The following CORO2B variants were observed in gnomAD, a reference collection of about 807,000 sequenced individuals.
CORO2B encodes coronin 2B.
In CORO2B, 26 loss-of-function variants were observed where a neutral mutation model predicts 58.8. The observed-to-expected ratio is 0.44, with a 90% CI of 0.32 to 0.61. CORO2B has a LOEUF of 0.61. Among genes scored for constraint, CORO2B ranks in the 20% least tolerant of loss-of-function variants. CORO2B has a pLI of 0.04. For missense variants in CORO2B, 460 were observed against 645.1 expected, an observed-to-expected ratio of 0.71 and a Z score of 3.11; for synonymous variants, 242 against 253.8, an observed-to-expected ratio of 0.95 and a Z score of 0.44.
At chr15:68,564,829 C>A in the CORO2B span, among the ~76,000 whole-genome samples, 1 of 152,112 alleles carries the variant, frequency 6.6e-6, no homozygotes, top group Non-Finnish European at 1.5e-5. Flanking sequence ...GAAGGTGCTT[C>A]CCAAATAGAA....
At chr15:68,568,584 A>G in the CORO2B span, among the ~76,000 whole-genome samples, 1 of 152,232 alleles carries the variant, frequency 6.6e-6, no homozygotes, top group Non-Finnish European at 1.5e-5. Flanking sequence ...ATTTAAAAAC[A>G]TAATAGTACC....
At chr15:68,708,607 C>T (rs1278516960) in intron 3 of CORO2B, among the ~76,000 whole-genome samples, 3 of 151,922 alleles carry the variant, frequency 2.0e-5, no homozygotes, top group Admixed American at 6.6e-5. Flanking sequence ...CGTGATCCGC[C>T]CACCTCGGCC....
At chr15:68,661,533 G>A (rs72748537) in intron 2 of CORO2B, among the ~76,000 whole-genome samples, 19,061 of 152,200 alleles carry the variant, frequency 0.13, 1,548 homozygotes, top group East Asian at 0.24. Context: ...TTCAAGACTT[G>A]GGAGTTAGCA....
chr15:68,555,814 G>A, the CORO2B span, among the ~76,000 whole-genome samples: 1 of 152,166 alleles, frequency 6.6e-6, no homozygotes, highest in Non-Finnish European at 1.5e-5. Flanking sequence ...CAGAGCCAGG[G>A]AGGAGGGGGA....
chr15:68,693,100 A>C (rs1393853397), intron 2 of CORO2B, among the ~76,000 whole-genome samples: 1 of 152,158 alleles, frequency 6.6e-6, no homozygotes. Flanking sequence ...CATCAGTGAA[A>C]TTCTCCTGGG....
chr15:68,564,745 G>A, the CORO2B span, among the ~76,000 whole-genome samples: 1 of 152,206 alleles, frequency 6.6e-6, no homozygotes, highest in Non-Finnish European at 1.5e-5. Context: ...TCCTTCTAAA[G>A]TAAACGGTCA....
intron 1 of CORO2B, among the ~76,000 whole-genome samples, chr15:68,609,876 A>G (rs950871475): frequency 5.9e-5 from 9 of 152,120 alleles, no homozygotes; most frequent in Non-Finnish European, 1.0e-4. Context: ...GGGAGCACGA[A>G]GCGGTCTGGT....
At chr15:68,708,624 A>G (rs186094334) in intron 3 of CORO2B, among the ~76,000 whole-genome samples, 49 of 150,428 alleles carry the variant, frequency 3.3e-4, no homozygotes, top group African/African-American at 1.1e-3. Context: ...GGCCTCCCAA[A>G]GTGCTGGGAT....
At chr15:68,529,910 G>T in the CORO2B span, among the ~76,000 whole-genome samples, 7 of 152,080 alleles carry the variant, frequency 4.6e-5, no homozygotes, top group African/African-American at 1.2e-4. Context: ...TGAACTAAAG[G>T]TTACTTAGAA....
In CORO2B at chr15:68,671,761, G is replaced by A. The variant is rs150278453; in HGVS notation, c.217-23379G>A. On this transcript the variant is annotated intron_variant, in intron 2 of 11. Transcript: ENST00000261861. The stretch of plus-strand genomic sequence containing the variant: ...ACTCATGGCAGCTGGCCTCCTCTGA[G>A]TGGTGATCCAGGTGAGAGCAAGAGA... Among the ~76,000 whole-genome samples, 21 of 152,306 alleles carry A rather than the reference G, an allele frequency of 1.4e-4. 1 individual carries two copies. The highest frequency in any genetic ancestry group is 9.2e-4 in the Admixed American group (14 of 15,300).
intron 2 of CORO2B, among the ~76,000 whole-genome samples, chr15:68,668,687 C>T (rs906997425): frequency 3.3e-5 from 5 of 152,198 alleles, no homozygotes; most frequent in African/African-American, 1.2e-4. Context: ...TTTGGATTTT[C>T]TTCTAGGTGA....
In CORO2B at chr15:68,725,897, C is replaced by T. The variant is rs771983841; in HGVS notation, c.1366C>T (p.Leu456=). The T allele has an allele frequency of 6.2e-7, 1 of 1,614,086 alleles. No homozygotes were observed. Among genetic ancestry groups the T allele is most frequent in the Admixed American group, 1.7e-5 (1 of 60,010 alleles). The change falls in exon 12 of 12, where the codon CTG becomes TTG. Residue 456 remains leucine, a synonymous_variant. Coordinates refer to ENST00000261861, the MANE Select transcript of CORO2B (RefSeq NM_006091.5). Reference sequence around the variant, plus strand: ...TGAGATTCGACGGTTGAAAGAGGAGCTGGCCCAGAAGGACATCCGCATTCG... The same window carrying T: ...TGAGATTCGACGGTTGAAAGAGGAGTTGGCCCAGAAGGACATCCGCATTCG... ...QDEIRRLKEE[L]AQKDIRIRQL...
chr15:68,573,800 A>C, the CORO2B span, among the ~76,000 whole-genome samples: 1 of 152,182 alleles, frequency 6.6e-6, no homozygotes, highest in Non-Finnish European at 1.5e-5. Flanking sequence ...AAATACACAA[A>C]CAGAAAATGT....
chr15:68,714,821 C>T (rs1279039190), intron 7 of CORO2B, among the ~76,000 whole-genome samples, 158 bp downstream of exon 7: 2 of 152,238 alleles, frequency 1.3e-5, no homozygotes, highest in East Asian at 1.9e-4. Flanking sequence ...AGTCTGACAC[C>T]CATTCTTACT....
At chr15:68,704,712 G>C (rs182796476) in intron 3 of CORO2B, among the ~76,000 whole-genome samples, 3 of 152,230 alleles carry the variant, frequency 2.0e-5, no homozygotes, top group Admixed American at 1.3e-4. Context: ...TAATCTGTTT[G>C]GCACACAGAG....
At chr15:68,601,583 G>C (rs1357280001) in intron 1 of CORO2B, among the ~76,000 whole-genome samples, 1 of 152,230 alleles carries the variant, frequency 6.6e-6, no homozygotes, top group Non-Finnish European at 1.5e-5. Flanking sequence ...CGGGGCATCA[G>C]AAGGCCTGCC....
chr15:68,649,306 T>C (rs971473717), intron 2 of CORO2B, among the ~76,000 whole-genome samples: 2 of 152,242 alleles, frequency 1.3e-5, no homozygotes, highest in Admixed American at 6.5e-5. Context: ...CATGGACTTA[T>C]TGTGACCACT....
At chr15:68,551,919 C>T in the CORO2B span, among the ~76,000 whole-genome samples, 1 of 152,160 alleles carries the variant, frequency 6.6e-6, no homozygotes, top group Non-Finnish European at 1.5e-5. Context: ...TTCCCCTCTC[C>T]TCCCATACAT....
At chr15:68,605,841 T>C (rs1184684633) in intron 1 of CORO2B, among the ~76,000 whole-genome samples, 5 of 151,506 alleles carry the variant, frequency 3.3e-5, no homozygotes, top group Admixed American at 6.6e-5. Context: ...TCTCCTGCCT[T>C]GGCCTCCTGA....
Sources: allele counts gnomAD v4.1 joint callset (sites outside exome capture counted in the v4.1 genomes callset), GRCh38; gene constraint gnomAD v4.1.1; transcripts MANE v1.5; gene names NCBI Gene and HGNC (gene_info 2026-07-23, HGNC 2026-07-21).